The following TASP1 variants were observed in gnomAD, a reference collection of about 807,000 sequenced individuals.
The protein encoded by TASP1 is taspase 1, also known as threonine aspartase 1.
TASP1 carries 16 observed loss-of-function variants against 56.6 expected under a neutral mutation model. That is an observed-to-expected ratio of 0.28 (90% confidence interval 0.19 to 0.43). The LOEUF is 0.43. Ranked by LOEUF, TASP1 falls within the 20% of genes least tolerant of loss-of-function variation. TASP1 has a pLI of 1.00. For synonymous variants in TASP1, 179 were observed against 184.2 expected (o/e 0.97, Z 0.23); for missense variants, 393 against 511.6 (o/e 0.77, Z 2.24).
the TASP1 span, among the ~76,000 whole-genome samples, chr20:13,260,820 G>A: frequency 3.3e-5 from 5 of 152,094 alleles, no homozygotes; most frequent in Admixed American, 2.0e-4. Context: ...GCTTAAACCC[G>A]CAAGGATTTA....
intron 11 of TASP1, among the ~76,000 whole-genome samples, chr20:13,481,308 CTTTA>C (rs1407181110): frequency 5.3e-5 from 8 of 152,052 alleles, no homozygotes; most frequent in African/African-American, 1.7e-4. Flanking sequence ...GCCACGTTTT[CTTTA>C]TTCATTCATC....
chr20:13,173,786 G>A, the TASP1 span, among the ~76,000 whole-genome samples: 1 of 152,148 alleles, frequency 6.6e-6, no homozygotes, highest in Non-Finnish European at 1.5e-5. Context: ...ATTGGTGTAG[G>A]TTTGTTTGGA....
the TASP1 span, among the ~76,000 whole-genome samples, chr20:13,195,854 A>G: frequency 1.3e-5 from 2 of 152,186 alleles, no homozygotes; most frequent in Non-Finnish European, 2.9e-5. Flanking sequence ...TTCATTTTCT[A>G]TGCATAGTAT....
chr20:13,388,961 A>G (rs1039213988), downstream of TASP1, among the ~76,000 whole-genome samples: 1 of 152,176 alleles, frequency 6.6e-6, no homozygotes, highest in East Asian at 1.9e-4. Context: ...CCATGATTAC[A>G]TGGTGCAGGG....
chr20:13,169,131 G>A, the TASP1 span: 15 of 152,086 alleles, frequency 9.9e-5, no homozygotes, highest in African/African-American at 3.6e-4. Flanking sequence ...ATTTAGTTTA[G>A]GTTACCCTGA....
At chr20:13,562,367 C>A (rs1298592610) in intron 7 of TASP1, among the ~76,000 whole-genome samples, 1 of 151,504 alleles carries the variant, frequency 6.6e-6, no homozygotes, top group Non-Finnish European at 1.5e-5. Flanking sequence ...AGAATTAAAC[C>A]CAAAGCTAGC....
At chr20:13,568,434 G>A (rs1384566020) in intron 7 of TASP1, among the ~76,000 whole-genome samples, 2 of 152,000 alleles carry the variant, frequency 1.3e-5, no homozygotes, top group African/African-American at 4.8e-5. Flanking sequence ...AAAAAATAGT[G>A]TTTTTAATAT....
chr20:13,437,964 C>T (rs2043069696), intron 11 of TASP1, among the ~76,000 whole-genome samples: 1 of 152,114 alleles, frequency 6.6e-6, no homozygotes, highest in Admixed American at 6.5e-5. Flanking sequence ...AATGCCATCC[C>T]CATCAAGCTA....
intron 11 of TASP1, among the ~76,000 whole-genome samples, chr20:13,482,555 T>C (rs1366819556): frequency 2.0e-5 from 3 of 152,160 alleles, no homozygotes; most frequent in African/African-American, 4.8e-5. Flanking sequence ...TATTTTTCCA[T>C]TTTTTTGTTG....
At chr20:13,572,033 T>C (rs903652188) in intron 6 of TASP1, among the ~76,000 whole-genome samples, 1 of 152,220 alleles carries the variant, frequency 6.6e-6, no homozygotes. Context: ...ACAATCTCCT[T>C]ATCCTGCTCC....
intron 11 of TASP1, among the ~76,000 whole-genome samples, chr20:13,477,598 T>C (rs1317099300): frequency 6.6e-6 from 1 of 152,056 alleles, no homozygotes; most frequent in African/African-American, 2.4e-5. Flanking sequence ...ACCAAGTTGG[T>C]TTAAAAATAA....
chr20:13,332,857 C>G, the TASP1 span, among the ~76,000 whole-genome samples: 68 of 152,264 alleles, frequency 4.5e-4, no homozygotes, highest in Non-Finnish European at 8.2e-4. Flanking sequence ...AAAGTTTGGC[C>G]TTTGGGGCTG....
At chr20:13,136,819 A>T in the TASP1 span, among the ~76,000 whole-genome samples, 1 of 151,134 alleles carries the variant, frequency 6.6e-6, no homozygotes, top group African/African-American at 2.4e-5. Flanking sequence ...ATGTTTTCTC[A>T]ATATAGTATT....
chr20:13,125,228 C>G, the TASP1 span, among the ~76,000 whole-genome samples: 1 of 152,152 alleles, frequency 6.6e-6, no homozygotes, highest in African/African-American at 2.4e-5. Flanking sequence ...TTACTTGGGA[C>G]CTTATATTTG....
the TASP1 span, among the ~76,000 whole-genome samples, chr20:13,146,409 T>A: frequency 6.6e-6 from 1 of 152,140 alleles, no homozygotes; most frequent in East Asian, 1.9e-4. Flanking sequence ...TCTTCACATG[T>A]ACCCCGAAAC....
At chr20:13,561,275 C>T (rs2147083006) in intron 7 of TASP1, among the ~76,000 whole-genome samples, 1 of 152,256 alleles carries the variant, frequency 6.6e-6, no homozygotes, top group East Asian at 1.9e-4. Context: ...ATAATGATCT[C>T]TGATAAAGAT....
chr20:13,215,773 C>T, the TASP1 span, among the ~76,000 whole-genome samples: 1 of 152,318 alleles, frequency 6.6e-6, no homozygotes, highest in Admixed American at 6.5e-5. Context: ...AAAAGAGCTA[C>T]AGGTGAACCC....
intron 12 of TASP1, 97 bp downstream of exon 12, chr20:13,434,947 C>T: frequency 1.3e-6 from 1 of 781,520 alleles, no homozygotes; most frequent in Non-Finnish European, 2.0e-6. Flanking sequence ...GCTGACCCTC[C>T]CGCAGTTTAA....
chr20:13,242,239 A>G, the TASP1 span, among the ~76,000 whole-genome samples: 2 of 152,216 alleles, frequency 1.3e-5, no homozygotes, highest in African/African-American at 4.8e-5. Flanking sequence ...AAAAAGGACA[A>G]CAGGAGGTCA....
Sources: gnomAD v4.1 joint callset for allele counts (sites outside exome capture counted in the v4.1 genomes callset) on GRCh38, gnomAD v4.1.1 for gene constraint, MANE v1.5 for transcripts, NCBI Gene and HGNC (gene_info 2026-07-23, HGNC 2026-07-21) for gene names.